The following IL17F variants were observed in gnomAD, a reference collection of about 807,000 sequenced individuals.
IL17F encodes interleukin 17F.
IL17F carries 6 observed loss-of-function variants against 8.3 expected under a neutral mutation model. That is an observed-to-expected ratio of 0.73 (90% CI 0.40 to 1.43). The LOEUF is 1.43. Ranked by LOEUF, IL17F falls within the 40% of genes most tolerant of loss-of-function variation. The pLI, the probability that IL17F is intolerant of heterozygous loss-of-function variation, is 0.02. For synonymous variants in IL17F, 98 were observed against 81.6 expected, an observed-to-expected ratio of 1.20 and a Z score of -1.08; for missense variants, 204 against 209.6, an observed-to-expected ratio of 0.97 and a Z score of 0.17.
At chr6:52,243,970 G>A (rs1185635288) in intron 1 of IL17F, among the ~76,000 whole-genome samples, 1 of 152,058 alleles carries the variant, frequency 6.6e-6, no homozygotes, top group African/African-American at 2.4e-5. Flanking sequence ...AGTTAGTCAG[G>A]CTGGTCTCAA....
Position 52,237,128 on chromosome 6 carries a change from G to A in IL17F, c.295C>T (p.Gln99Ter). Residue 99 changes from glutamine to a stop codon, truncating the protein, a stop_gained, in exon 3 of 3, where the codon CAG (glutamine) becomes TAG (stop). Transcript: ENST00000336123. LOFTEE classifies it high-confidence loss of function. ...DPNRYPSEVV[Q>*]AQCRNLGCIN... ...CAGCCCAAGTTCCTACACTGGGCCTGTACAACTTCCGAGGGGTACCGGTTG... is the reference window on the plus strand; with the variant it reads ...CAGCCCAAGTTCCTACACTGGGCCTATACAACTTCCGAGGGGTACCGGTTG... 6.2e-7 allele frequency: 1 copy of A among 1,614,144 alleles called. No individual in the cohort carries two copies. Among genetic ancestry groups the A allele is most frequent in the Non-Finnish European group, 8.5e-7 (1 of 1,180,002 alleles).
intron 1 of IL17F, among the ~76,000 whole-genome samples, chr6:52,242,605 A>T (rs539987597): frequency 5.9e-5 from 9 of 152,340 alleles, no homozygotes; most frequent in African/African-American, 1.9e-4. Flanking sequence ...TTGCCTCTGA[A>T]CCAAAGAAAA....
chr6:52,241,382 A>C (rs1473360047), intron 1 of IL17F, among the ~76,000 whole-genome samples: 1 of 151,858 alleles, frequency 6.6e-6, no homozygotes, highest in Non-Finnish European at 1.5e-5. Flanking sequence ...CTGGCCTGCT[A>C]TGACTTTTTT....
At chr6:52,244,905 C>T (rs1451541953), upstream of IL17F, among the ~76,000 whole-genome samples, 3 of 152,134 alleles carry the variant, frequency 2.0e-5, no homozygotes, top group East Asian at 1.9e-4. Flanking sequence ...CTTAGAGGAG[C>T]CTTGGTACTA....
In IL17F at chr6:52,236,964, G is replaced by C; in HGVS notation, c.459C>G (p.Thr153=). 1 of 1,614,140 alleles carries C rather than the reference G, an allele frequency of 6.2e-7. No individual in the cohort carries two copies. Among genetic ancestry groups the C allele is most frequent in the Non-Finnish European group, 8.5e-7 (1 of 1,179,986 alleles). The change falls in exon 3 of 3, where the codon ACC becomes ACG. Residue 153 remains threonine, a synonymous_variant. Transcript: ENST00000336123. ...LEKVLVTVGC[T]CVTPVIHHVQ is the part of the protein sequence containing the mutation. ...CATGGTGGATGACAGGGGTGACGCA[G>C]GTGCAGCCAACAGTCACCAGCACCT...
chr6:52,236,894 T>C lies in IL17F; in HGVS notation c.*37A>G, dbSNP rs375409888. On this transcript the variant is annotated 3_prime_UTR_variant, in exon 3 of 3. Transcript: ENST00000336123. ...GCAGAGCACTGGGTAAGGAGTGGCA[T>C]TTCTACAGCTTCTTCAGCTGAGTGG... 3 of 1,551,836 alleles carry C rather than the reference T, an allele frequency of 1.9e-6. No individual in the cohort carries two copies. In the African/African-American group the frequency reaches 4.1e-5, roughly 21 times the overall value.
intron 1 of IL17F, among the ~76,000 whole-genome samples, chr6:52,243,253 T>C (rs1444659193): frequency 1.3e-5 from 2 of 152,208 alleles, no homozygotes; most frequent in Non-Finnish European, 2.9e-5. Context: ...TCTAAGCCAA[T>C]AATATGATGC....
At chr6:52,239,012 A>C (rs1161943114) in intron 1 of IL17F, 62 bp from the exon 2 acceptor site, 8 of 1,431,026 alleles carry the variant, frequency 5.6e-6, no homozygotes, top group Non-Finnish European at 6.9e-6. Context: ...CAAGAGATGC[A>C]TGGTCTGGCG....
chr6:52,236,831 G>A lies in IL17F; in HGVS notation c.*100C>T. ...CCGTGCAGGTCTTATTAAGAGTCCT[G>A]TGAAGTGGAGGGAATTGGGGGTCAG... On this transcript the variant is annotated 3_prime_UTR_variant, in exon 3 of 3. Transcript: ENST00000336123. The A allele has an allele frequency of 6.6e-6, 6 of 904,324 alleles. No homozygotes were observed. The highest frequency in any genetic ancestry group is 1.3e-5 in the South Asian group (1 of 76,258). 56.0% of individuals were successfully genotyped at this position (904,324 alleles called of 1,614,324 possible). A position where few individuals can be genotyped will look rare whatever the true frequency, so the allele number is the denominator to read the frequency against.
chr6:52,244,550 G>T, upstream of IL17F: 1 of 937,432 alleles, frequency 1.1e-6, no homozygotes, highest in Non-Finnish European at 1.7e-6. Context: ...CCCCTGTTTC[G>T]ATTGACCTGC....
At chr6:52,241,798 CCAG>C (rs1764079524) in intron 1 of IL17F, among the ~76,000 whole-genome samples, 2 of 152,158 alleles carry the variant, frequency 1.3e-5, no homozygotes, top group Non-Finnish European at 2.9e-5. Flanking sequence ...CCTATGAGTA[CCAG>C]TCTGGGGACT....
chr6:52,244,250 C>T, intron 1 of IL17F, 147 bp downstream of exon 1: 1 of 825,100 alleles, frequency 1.2e-6, no homozygotes, highest in Non-Finnish European at 2.1e-6. Flanking sequence ...TCTTTTTCTC[C>T]ACCAGACAGG....
intron 1 of IL17F, among the ~76,000 whole-genome samples, chr6:52,241,256 T>G (rs965386921): frequency 8.5e-5 from 13 of 152,168 alleles, no homozygotes; most frequent in Non-Finnish European, 7.3e-5. Context: ...TTTTTGTATT[T>G]TTAGTAGATA....
At chr6:52,237,966 C>G (rs1412380630) in intron 2 of IL17F, among the ~76,000 whole-genome samples, 1 of 152,202 alleles carries the variant, frequency 6.6e-6, no homozygotes. Context: ...GGAGGCAGAG[C>G]GGATCTCTAG....
intron 2 of IL17F, 146 bp downstream of exon 2, chr6:52,238,584 T>G (rs998289458): frequency 2.1e-5 from 16 of 765,142 alleles, no homozygotes; most frequent in African/African-American, 3.5e-5. Flanking sequence ...AAGAAAGATA[T>G]GAGCTCCCAG....
At chr6:52,243,276 C>A (rs996743744) in intron 1 of IL17F, among the ~76,000 whole-genome samples, 2 of 152,126 alleles carry the variant, frequency 1.3e-5, no homozygotes, top group African/African-American at 4.8e-5. Flanking sequence ...GATTTCCTAA[C>A]CCCTGTTTTC....
At chr6:52,244,609 G>GT, upstream of IL17F, 83 of 608,132 alleles carry the variant, frequency 1.4e-4, no homozygotes, top group Non-Finnish European at 1.9e-4. Flanking sequence ...CGAATGCAGG[G>GT]GTTTTTTTTT....
intron 1 of IL17F, among the ~76,000 whole-genome samples, chr6:52,239,631 T>C (rs1381908556): frequency 6.6e-6 from 1 of 152,196 alleles, no homozygotes; most frequent in Non-Finnish European, 1.5e-5. Flanking sequence ...AGCAGCATTT[T>C]TTAATTGTCT....
rs1029262063 is a variant in IL17F, at chr6:52,236,916, G to A, written c.*15C>T. 1.3e-6 allele frequency: 2 copies of A among 1,597,382 alleles called. No homozygotes were observed. The highest frequency in any genetic ancestry group is 1.7e-5 in the Admixed American group (1 of 60,004). The stretch of plus-strand genomic sequence containing the variant: ...GCATTTCTACAGCTTCTTCAGCTGA[G>A]TGGATATGCACCTCTTACTGCACAT... On this transcript the variant is annotated 3_prime_UTR_variant, in exon 3 of 3. Transcript: ENST00000336123.
Sources: gnomAD v4.1 joint callset for allele counts (sites outside exome capture counted in the v4.1 genomes callset) on GRCh38, gnomAD v4.1.1 for gene constraint, MANE v1.5 for transcripts, NCBI Gene and HGNC (gene_info 2026-07-23, HGNC 2026-07-21) for gene names.